CDH4: variants seen among roughly 807,000 people sequenced by gnomAD.
CDH4 encodes the protein cadherin 4, also known as cadherin-4.
Under a neutral mutation model 86.0 loss-of-function variants are expected in CDH4, and 33 were observed. That is an observed-to-expected ratio of 0.38 (90% CI 0.29 to 0.51). The LOEUF is 0.51. Among genes scored for constraint, CDH4 ranks in the 20% least tolerant of loss-of-function variants. The pLI is 0.86. For missense variants in CDH4, 1,114 were observed against 1,307.4 expected (o/e 0.85, Z 2.28); for synonymous variants, 555 against 549.4 (o/e 1.01, Z -0.14).
chr20:61,425,084 G>A (rs551156368), intron 2 of CDH4, among the ~76,000 whole-genome samples: 2 of 152,346 alleles, frequency 1.3e-5, no homozygotes, highest in African/African-American at 2.4e-5. Flanking sequence ...AGGAGCAGCA[G>A]GTCACTGCTC....
chr20:61,623,583 C>A lies in CDH4; in HGVS notation c.170-119980C>A, dbSNP rs902529152. Among the ~76,000 whole-genome samples, 3 of 152,156 alleles carry A rather than the reference C, an allele frequency of 2.0e-5. No homozygotes were observed. The highest frequency in any genetic ancestry group is 7.2e-5 in the African/African-American group (3 of 41,452). On this transcript the variant is annotated intron_variant, in intron 2 of 15. Transcript: ENST00000614565. The surrounding 1 kb of genome is among the most constrained non-coding windows in gnomAD (Gnocchi z 4.4). ...CAGGGTCATCAAGAGCTAGACCCAG[C>A]GGCCGTGTTGTCTTTCCTCTACATG...
intron 9 of CDH4, among the ~76,000 whole-genome samples, chr20:61,921,451 C>G (rs189329485): frequency 6.6e-5 from 10 of 152,334 alleles, no homozygotes; most frequent in Admixed American, 6.5e-4. Flanking sequence ...GAATGCATCA[C>G]CCTCAAAAGC....
intron 2 of CDH4, among the ~76,000 whole-genome samples, chr20:61,617,360 T>C (rs2086733578): frequency 6.6e-6 from 1 of 152,200 alleles, no homozygotes; most frequent in Non-Finnish European, 1.5e-5. Context: ...AATTGTCAAC[T>C]GAAGACTCCC....
At chr20:61,729,435 CT>C (rs886664878) in intron 2 of CDH4, among the ~76,000 whole-genome samples, 1 of 152,174 alleles carries the variant, frequency 6.6e-6, no homozygotes, top group Non-Finnish European at 1.5e-5. Flanking sequence ...TACACCTGCA[CT>C]TTTTTTCTTG....
chr20:61,445,203 A>G (rs969973298), intron 2 of CDH4, among the ~76,000 whole-genome samples: 4 of 152,072 alleles, frequency 2.6e-5, no homozygotes, highest in African/African-American at 9.7e-5. Flanking sequence ...GAAGACTGTC[A>G]GGAAGCTCTG....
chr20:61,823,275 A>ACGATAG, intron 4 of CDH4, among the ~76,000 whole-genome samples: 3 of 706 alleles, frequency 4.2e-3, no homozygotes, highest in East Asian at 0.028. Flanking sequence ...GGTGGTGATG[A>ACGATAG]TGGTGTTGAT....
chr20:61,268,478 A>T (rs915234746), intron 2 of CDH4, among the ~76,000 whole-genome samples: 63 of 152,284 alleles, frequency 4.1e-4, no homozygotes, highest in African/African-American at 1.4e-3. Context: ...AAAGAGGAAG[A>T]TACCTTTTCT....
intron 2 of CDH4, among the ~76,000 whole-genome samples, chr20:61,314,133 C>T (rs1400303535): frequency 6.6e-6 from 1 of 152,226 alleles, no homozygotes; most frequent in African/African-American, 2.4e-5. Context: ...GAGGTGAGAA[C>T]ATTTATGGTC....
intron 2 of CDH4, among the ~76,000 whole-genome samples, chr20:61,527,489 A>T (rs1197295926): frequency 6.6e-6 from 1 of 152,108 alleles, no homozygotes; most frequent in Non-Finnish European, 1.5e-5. Flanking sequence ...ACCTCAATTG[A>T]TCTACCTGCC....
intron 11 of CDH4, among the ~76,000 whole-genome samples, chr20:61,926,827 C>T (rs1305631598): frequency 6.6e-6 from 1 of 152,108 alleles, no homozygotes; most frequent in Non-Finnish European, 1.5e-5. Flanking sequence ...GAGCCAAGAT[C>T]GCCCCATTGA....
intron 2 of CDH4, among the ~76,000 whole-genome samples, chr20:61,679,942 C>T (rs1473057003): frequency 6.6e-6 from 1 of 152,178 alleles, no homozygotes; most frequent in African/African-American, 2.4e-5. Flanking sequence ...CTGCCCAGGG[C>T]CTCGGGTAGC....
In CDH4 at chr20:61,693,673, G is replaced by T. The variant is rs373493595; in HGVS notation, c.170-49890G>T. On this transcript the variant is annotated intron_variant, in intron 2 of 15. Coordinates refer to ENST00000614565, the MANE Select transcript of CDH4 (RefSeq NM_001794.5). ...ATTTTCAGCCTTCCTGAGCTACAGC[G>T]TTAGAGGGCAAAGGCCTGGTCTCAT... Among the ~76,000 whole-genome samples the T allele has an allele frequency of 5.2e-4, 79 of 152,276 alleles. 1 individual carries two copies. Among genetic ancestry groups the T allele is most frequent in the African/African-American group, 1.7e-3 (71 of 41,554 alleles).
At chr20:61,714,734 T>C (rs996299431) in intron 2 of CDH4, among the ~76,000 whole-genome samples, 1 of 152,162 alleles carries the variant, frequency 6.6e-6, no homozygotes, top group African/African-American at 2.4e-5. Flanking sequence ...ACACAAGATA[T>C]TGTTTCATTC....
intron 2 of CDH4, among the ~76,000 whole-genome samples, chr20:61,494,525 G>A (rs1433296593): frequency 6.6e-6 from 1 of 152,214 alleles, no homozygotes. Context: ...CTTGCAGGTA[G>A]TAATTTTGTT....
intron 2 of CDH4, among the ~76,000 whole-genome samples, chr20:61,669,359 C>T (rs760939712): frequency 2.0e-5 from 3 of 152,254 alleles, no homozygotes; most frequent in East Asian, 1.9e-4. Context: ...TGGTGACCGG[C>T]GGGATGGGAA....
At chr20:61,886,762 A>G (rs1003977119) in intron 7 of CDH4, among the ~76,000 whole-genome samples, 3 of 152,194 alleles carry the variant, frequency 2.0e-5, no homozygotes, top group Non-Finnish European at 4.4e-5. Context: ...CCAGGCCTTC[A>G]TCTTCTGCAA....
intron 2 of CDH4, among the ~76,000 whole-genome samples, chr20:61,357,306 C>G (rs1378374294): frequency 6.6e-6 from 1 of 152,212 alleles, no homozygotes; most frequent in African/African-American, 2.4e-5. Context: ...TCTGAGACAT[C>G]CGGTAGGCAG....
chr20:61,506,143 C>T (rs953667000), intron 2 of CDH4, among the ~76,000 whole-genome samples: 3 of 152,306 alleles, frequency 2.0e-5, no homozygotes, highest in South Asian at 2.1e-4. Context: ...GTGTGAGACA[C>T]ACTATGACAG....
intron 2 of CDH4, among the ~76,000 whole-genome samples, chr20:61,512,594 GA>G (rs1457037134): frequency 6.6e-6 from 1 of 152,206 alleles, no homozygotes; most frequent in Non-Finnish European, 1.5e-5. Context: ...GGGGCGAGGG[GA>G]AACATCATTT....
Sources: allele counts gnomAD v4.1 joint callset (sites outside exome capture counted in the v4.1 genomes callset), GRCh38; gene constraint gnomAD v4.1.1; non-coding constraint Gnocchi (gnomAD v3.1); transcripts MANE v1.5; gene names NCBI Gene and HGNC (gene_info 2026-07-23, HGNC 2026-07-21).